The following SPTBN4 variants were observed in gnomAD, a reference collection of about 807,000 sequenced individuals.
SPTBN4 encodes the protein spectrin beta, non-erythrocytic 4, also known as spectrin beta chain, non-erythrocytic 4.
A neutral mutation model predicts 277.8 loss-of-function variants in SPTBN4; 96 were observed. The ratio of observed to expected loss-of-function variants is 0.35; its 90% CI spans 0.29 to 0.41. The LOEUF is 0.41. Ranked by LOEUF, SPTBN4 falls within the 10% of genes least tolerant of loss-of-function variation. The pLI is 1.00. For synonymous variants in SPTBN4, 1,481 were observed against 1,580.3 expected (o/e 0.94, Z 1.49); for missense variants, 3,006 against 3,595.7 (o/e 0.84, Z 4.19).
chr19:40,536,823 G>C (rs900521639), intron 20 of SPTBN4, among the ~76,000 whole-genome samples: 5 of 152,066 alleles, frequency 3.3e-5, no homozygotes, highest in African/African-American at 1.2e-4. Context: ...ATCTCGCTCT[G>C]TTAGCAGGCT....
rs549332885 is a variant in SPTBN4 at position 40,528,467 on chromosome 19, GGTCT to G, written c.3858-566_3858-563del. 1.4e-3 allele frequency among the ~76,000 whole-genome samples: 209 copies of G among 152,264 alleles called. 1 individual carries two copies. Among genetic ancestry groups the G allele is most frequent in the African/African-American group, 4.9e-3 (202 of 41,538 alleles). Reference sequence around the variant, plus strand: ...CCTCTCTCCAACTCTGCGGCCCCCTGGTCTGTCTGTCGTCTGTGGGGCTGTCTTT... The same window carrying G: ...CCTCTCTCCAACTCTGCGGCCCCCTGGTCTGTCGTCTGTGGGGCTGTCTTT... On this transcript the variant is annotated intron_variant, in intron 17 of 35. Transcript: ENST00000598249.
At chr19:40,470,283 G>A (rs2079870054) in intron 1 of SPTBN4, among the ~76,000 whole-genome samples, 1 of 152,048 alleles carries the variant, frequency 6.6e-6, no homozygotes, top group Non-Finnish European at 1.5e-5. Flanking sequence ...ACAGGCATGA[G>A]CCACCGTGCC....
At chr19:40,486,185 G>A (rs1191415178) in intron 2 of SPTBN4, among the ~76,000 whole-genome samples, 3 of 151,932 alleles carry the variant, frequency 2.0e-5, no homozygotes, top group Non-Finnish European at 4.4e-5. Flanking sequence ...CAGCTACTTG[G>A]GAGGCTGCGA....
At chr19:40,529,161 G>A in intron 18 of SPTBN4, 30 bp downstream of exon 18, 1 of 1,589,660 alleles carries the variant, frequency 6.3e-7, no homozygotes, top group African/African-American at 1.3e-5. Flanking sequence ...TGGGGACGGA[G>A]ACATCCCCTT....
Position 40,506,184 on chromosome 19 carries a change from G to A in SPTBN4, c.1666-52G>A, listed in dbSNP as rs570773268. 2.6e-5 allele frequency: 41 copies of A among 1,558,422 alleles called. No homozygotes were observed. In the Admixed American group the frequency reaches 5.9e-4, roughly 23 times the overall value. Reference sequence around the variant, plus strand: ...CTGGCATAGGCAATGGGGGAGAGGTGAGTGGCCCAGGGCAGTGCCAGAGGT... The same window carrying A: ...CTGGCATAGGCAATGGGGGAGAGGTAAGTGGCCCAGGGCAGTGCCAGAGGT... On this transcript the variant is annotated intron_variant, in intron 12 of 35. Coordinates refer to ENST00000598249, the MANE Select transcript of SPTBN4 (RefSeq NM_020971.3).
rs1436604418 is a variant in SPTBN4, at chr19:40,520,032, C to T, written c.3535C>T (p.Leu1179Phe). 3 of 1,565,298 alleles carry T rather than the reference C, an allele frequency of 1.9e-6. No individual in the cohort carries two copies. The highest frequency in any genetic ancestry group is 2.3e-5 in the South Asian group (2 of 85,740). The change falls in exon 16 of 36, where the codon CTT becomes TTT. Residue 1179 changes from leucine to phenylalanine, a missense_variant. Leu to Phe is a conservative substitution (Grantham distance 22, BLOSUM62 0). Transcript: ENST00000598249. ...AGACGAGTGGCTGCCACACCTCGAA[C>T]TTGGCTGGCATAAACTGCTCGGCTT... ...ALDEWLPHLELGWHKLLGLWE... is the reference protein window; with the variant it reads ...ALDEWLPHLEFGWHKLLGLWE...
Position 40,497,305 on chromosome 19 carries a change from G to GC in SPTBN4, c.669-181dup, listed in dbSNP as rs1338609057. 5 of 593,722 alleles carry GC rather than the reference G, an allele frequency of 8.4e-6. No individual in the cohort carries two copies. The Admixed American group carries it at 1.4e-4, about 17-fold the overall frequency. 36.8% of individuals were successfully genotyped at this position (593,722 alleles called of 1,614,324 possible). On this transcript the variant is annotated intron_variant, in intron 6 of 35. Transcript: ENST00000598249. ...CATTCCCGGGAACGCACAGAGACAT[G>GC]CCCGCGTCCATCACACTCACATCAC...
At chr19:40,521,640 C>G (rs1460643585) in intron 16 of SPTBN4, among the ~76,000 whole-genome samples, 3 of 152,194 alleles carry the variant, frequency 2.0e-5, no homozygotes, top group African/African-American at 4.8e-5. Context: ...CACTCGCCCC[C>G]CCTCCACCTC....
intron 3 of SPTBN4, 112 bp from the exon 4 acceptor site, chr19:40,489,963 C>A: frequency 9.0e-7 from 1 of 1,109,138 alleles, no homozygotes; most frequent in Non-Finnish European, 1.3e-6. Flanking sequence ...TGATCCTGGA[C>A]ACTCAGGGGG....
intron 2 of SPTBN4, among the ~76,000 whole-genome samples, chr19:40,477,497 G>A (rs1231171722): frequency 6.6e-6 from 1 of 152,136 alleles, no homozygotes; most frequent in Non-Finnish European, 1.5e-5. Flanking sequence ...AGACAATGAT[G>A]ACCCAGAGGG....
intron 32 of SPTBN4, among the ~76,000 whole-genome samples, chr19:40,570,215 A>G (rs1382579621): frequency 1.3e-5 from 2 of 150,484 alleles, no homozygotes; most frequent in Non-Finnish European, 3.0e-5. Context: ...GCCTCTTTCC[A>G]CCACCGAGAG....
intron 3 of SPTBN4, among the ~76,000 whole-genome samples, chr19:40,488,817 T>A (rs1305163026): frequency 6.7e-6 from 1 of 149,564 alleles, no homozygotes; most frequent in Non-Finnish European, 1.5e-5. Context: ...TTCTCTCTCT[T>A]TTTTCTTAAT....
chr19:40,537,721 T>C (rs2080754611), intron 20 of SPTBN4, among the ~76,000 whole-genome samples: 4 of 152,204 alleles, frequency 2.6e-5, no homozygotes, highest in Admixed American at 2.6e-4. Flanking sequence ...ATACCACCTT[T>C]AGTCCCTCCC....
In SPTBN4 at chr19:40,503,824, C is replaced by A. The variant is rs559128966; in HGVS notation, c.1363-6C>A. Reference sequence around the variant, plus strand: ...GCATGGGTGAGTGTCTGGCTCACTGCCCCAGGACAACTTTGGGTATGAGCT... The same window carrying A: ...GCATGGGTGAGTGTCTGGCTCACTGACCCAGGACAACTTTGGGTATGAGCT... On this transcript the variant is annotated splice_polypyrimidine_tract_variant and splice_region_variant and intron_variant, in intron 11 of 35. Coordinates refer to ENST00000598249, the MANE Select transcript of SPTBN4 (RefSeq NM_020971.3). 3.2e-6 allele frequency: 5 copies of A among 1,572,540 alleles called. No homozygotes were observed. In the South Asian group the frequency reaches 6.0e-5, roughly 19 times the overall value.
Position 40,572,337 on chromosome 19 carries a change from G to A in SPTBN4, c.7494-1G>A. On this transcript the variant is annotated splice_acceptor_variant, in intron 34 of 35. Transcript: ENST00000598249. LOFTEE classifies it high-confidence loss of function. ...CTGAAGTCCTGTGTCCCTTCCTGCA[G>A]GACCCAGGATGGCAGTGAGTTTTTG... 6.2e-7 allele frequency: 1 copy of A among 1,614,174 alleles called. No individual in the cohort carries two copies. The highest frequency in any genetic ancestry group is 8.5e-7 in the Non-Finnish European group (1 of 1,180,020).
At chr19:40,555,235 GA>G (rs2080963848) in intron 24 of SPTBN4, 1 of 152,348 alleles carries the variant, frequency 6.6e-6, no homozygotes, top group South Asian at 2.1e-4. Flanking sequence ...GTGAGACTGA[GA>G]TAGAAACCGG....
chr19:40,513,054 G>A lies in SPTBN4; in HGVS notation c.2265G>A (p.Trp755Ter). The A allele has an allele frequency of 7.0e-7, 1 of 1,422,538 alleles. No individual in the cohort carries two copies. The highest frequency in any genetic ancestry group is 9.1e-7 in the Non-Finnish European group (1 of 1,095,468). 88.1% of individuals were successfully genotyped at this position (1,422,538 alleles called of 1,614,324 possible). ...AERAASARRR[W>*]QRLEEAAARR... ...GCGCGGCGAGCGCCCGGCGCCGCTG[G>A]CAGAGGCTGGAAGAGGCGGCGGCGC... is the stretch of plus-strand genomic sequence containing the variant. The change falls in exon 14 of 36, where the codon TGG (tryptophan) becomes TGA (stop). Residue 755 changes from tryptophan (W) to a stop codon, truncating the protein, a stop_gained. Transcript: ENST00000598249. LOFTEE classifies it high-confidence loss of function.
chr19:40,549,339 T>C lies in SPTBN4; in HGVS notation c.4510T>C (p.Leu1504=), dbSNP rs2080891638. 1.3e-6 allele frequency: 2 copies of C among 1,536,850 alleles called. No individual in the cohort carries two copies. Among genetic ancestry groups the C allele is most frequent in the African/African-American group, 1.4e-5 (1 of 72,816 alleles). The change falls in exon 21 of 36, where the codon TTG becomes CTG. Residue 1504 remains leucine (L), a synonymous_variant. Coordinates refer to ENST00000598249, the MANE Select transcript of SPTBN4 (RefSeq NM_020971.3). ...GCGCCTGGTGCGCCTGCTCGAGCCG[T>C]TGCAGGAGCGCCGCCGCTTGCTGCT... ...GERLVRLLEP[L]QERRRLLLAS... is the part of the protein sequence containing the mutation.
chr19:40,500,025 T>A (rs1308075699), intron 7 of SPTBN4, among the ~76,000 whole-genome samples: 2 of 89,090 alleles, frequency 2.2e-5, no homozygotes, highest in African/African-American at 1.2e-4. Context: ...GGAGGATCGC[T>A]TGAGGCCAGA....
Sources: gnomAD v4.1 joint callset for allele counts (sites outside exome capture counted in the v4.1 genomes callset) on GRCh38, gnomAD v4.1.1 for gene constraint, MANE v1.5 for transcripts, NCBI Gene and HGNC (gene_info 2026-07-23, HGNC 2026-07-21) for gene names.